The following SLC10A1 variants were observed in gnomAD, a reference collection of about 807,000 sequenced individuals.
The protein encoded by SLC10A1 is solute carrier family 10 member 1.
A neutral mutation model predicts 20.5 loss-of-function variants in SLC10A1; 36 were observed. The observed-to-expected ratio is 1.75, with a 90% CI of 1.34 to 2.32. The LOEUF is 2.32. Ranked by LOEUF, SLC10A1 falls within the 30% of genes most tolerant of loss-of-function variation. The probability of loss-of-function intolerance (pLI) is 0.00; values close to 1 mark genes in which losing one functional copy is unlikely to be tolerated. For synonymous variants in SLC10A1, 188 were observed against 163.6 expected (o/e 1.15, Z -1.14); for missense variants, 545 against 439.1 (o/e 1.24, Z -2.16).
intron 1 of SLC10A1, among the ~76,000 whole-genome samples, chr14:69,793,400 AG>A (rs1882320460): frequency 6.6e-6 from 1 of 152,030 alleles, no homozygotes; most frequent in African/African-American, 2.4e-5. Context: ...GTTGCCTTTC[AG>A]GGGGAAAGGG....
chr14:69,792,492 C>T (rs1255550314), intron 1 of SLC10A1, among the ~76,000 whole-genome samples: 1 of 152,132 alleles, frequency 6.6e-6, no homozygotes, highest in Admixed American at 6.5e-5. Context: ...AAAACTACTG[C>T]GATCTGCTTC....
At chr14:69,780,733 T>C (rs1883572252) in intron 2 of SLC10A1, among the ~76,000 whole-genome samples, 1 of 152,244 alleles carries the variant, frequency 6.6e-6, no homozygotes, top group South Asian at 2.1e-4. Context: ...CACACATCTC[T>C]TGAATAACCA....
intron 1 of SLC10A1, among the ~76,000 whole-genome samples, chr14:69,789,454 C>G (rs1883793782): frequency 1.3e-5 from 2 of 152,172 alleles, no homozygotes; most frequent in Non-Finnish European, 2.9e-5. Flanking sequence ...AGTATAGATA[C>G]AAAAGGTCAC....
intron 1 of SLC10A1, among the ~76,000 whole-genome samples, chr14:69,789,143 G>A (rs959992599): frequency 6.6e-6 from 1 of 152,184 alleles, no homozygotes; most frequent in African/African-American, 2.4e-5. Context: ...TTGGAAAATA[G>A]TTTGGCAGTT....
chr14:69,779,402 A>T (rs769240527), intron 2 of SLC10A1, 42 bp from the exon 3 acceptor site: 3 of 1,547,308 alleles, frequency 1.9e-6, no homozygotes, highest in East Asian at 2.3e-5. Flanking sequence ...AGAGTTGGGG[A>T]TAGAGAGGAA....
At chr14:69,788,167 A>G (rs1883766223) in intron 1 of SLC10A1, among the ~76,000 whole-genome samples, 1 of 152,144 alleles carries the variant, frequency 6.6e-6, no homozygotes. Flanking sequence ...GGAAGGGACC[A>G]GAATTGAGGT....
chr14:69,779,890 T>G (rs1215224514), intron 2 of SLC10A1, among the ~76,000 whole-genome samples: 1 of 152,222 alleles, frequency 6.6e-6, no homozygotes, highest in Non-Finnish European at 1.5e-5. Context: ...AATACTGTCA[T>G]TGTTCCACAT....
At chr14:69,793,534 T>C (rs1362963509) in intron 1 of SLC10A1, among the ~76,000 whole-genome samples, 1 of 152,148 alleles carries the variant, frequency 6.6e-6, no homozygotes, top group Non-Finnish European at 1.5e-5. Context: ...AATGCACAGA[T>C]TGGAGGCAGA....
At chr14:69,780,582 C>T (rs1020220167) in intron 2 of SLC10A1, among the ~76,000 whole-genome samples, 10 of 152,168 alleles carry the variant, frequency 6.6e-5, no homozygotes, top group East Asian at 1.9e-4. Context: ...AATGTCCTAA[C>T]GACATTTTAA....
chr14:69,791,867 A>G (rs1883850063), intron 1 of SLC10A1, among the ~76,000 whole-genome samples: 1 of 152,200 alleles, frequency 6.6e-6, no homozygotes, highest in Non-Finnish European at 1.5e-5. Context: ...TTCTACATTG[A>G]TTGGAGCTCT....
intron 1 of SLC10A1, among the ~76,000 whole-genome samples, chr14:69,788,690 G>A (rs1294330904): frequency 1.3e-5 from 2 of 151,934 alleles, no homozygotes; most frequent in Non-Finnish European, 2.9e-5. Flanking sequence ...GACTACAGGC[G>A]CCTGCCACCA....
chr14:69,790,639 A>C (rs1883814157), intron 1 of SLC10A1, among the ~76,000 whole-genome samples: 1 of 152,116 alleles, frequency 6.6e-6, no homozygotes, highest in Non-Finnish European at 1.5e-5. Flanking sequence ...AAAATTCCTT[A>C]ACTTGAAAGG....
At chr14:69,785,090 G>C (rs901004532) in intron 2 of SLC10A1, among the ~76,000 whole-genome samples, 1 of 152,132 alleles carries the variant, frequency 6.6e-6, no homozygotes, top group Non-Finnish European at 1.5e-5. Flanking sequence ...GGTACAGGAG[G>C]TCAGGAGGTC....
chr14:69,786,256 G>A lies in SLC10A1; in HGVS notation c.408C>T (p.Leu136=). The A allele has an allele frequency of 6.2e-7, 1 of 1,614,090 alleles. No individual in the cohort carries two copies. Among genetic ancestry groups the A allele is most frequent in the Non-Finnish European group, 8.5e-7 (1 of 1,180,004 alleles). The change falls in exon 2 of 5, where the codon CTC becomes CTT. Residue 136 remains leucine, a synonymous_variant. Coordinates refer to ENST00000216540, the MANE Select transcript of SLC10A1 (RefSeq NM_003049.4). ...TCCCCCTGGAGTAGATGTACAGGAG[G>A]AGAGGCATCATGCCAAGGGCACAGA... ...STFCALGMMP[L]LLYIYSRGIY...
Position 69,797,239 on chromosome 14 carries a change from A to T in SLC10A1, c.-84T>A. On this transcript the variant is annotated 5_prime_UTR_variant, in exon 1 of 5. Coordinates refer to ENST00000216540, the MANE Select transcript of SLC10A1 (RefSeq NM_003049.4). ...CAGTTCTTGCTGGATGCCTTCTTTA[A>T]TCACCTCTCAGGACAGAGAGTTTCT... 2 of 1,143,284 alleles carry T rather than the reference A, an allele frequency of 1.7e-6. No homozygotes were observed. Among genetic ancestry groups the T allele is most frequent in the Non-Finnish European group, 2.5e-6 (2 of 796,490 alleles). 70.8% of individuals were successfully genotyped at this position (1,143,284 alleles called of 1,614,324 possible). A position where few individuals can be genotyped will look rare whatever the true frequency, so the allele number is the denominator to read the frequency against.
intron 4 of SLC10A1, 108 bp from the exon 5 acceptor site, chr14:69,776,496 G>A (rs1883450784): frequency 3.7e-6 from 3 of 800,934 alleles, no homozygotes; most frequent in Non-Finnish European, 6.1e-6. Flanking sequence ...CCTAGAGTGT[G>A]CTAAGTATAT....
intron 1 of SLC10A1, among the ~76,000 whole-genome samples, chr14:69,794,674 G>A (rs1478725017): frequency 3.3e-5 from 5 of 152,216 alleles, no homozygotes; most frequent in East Asian, 3.8e-4. Context: ...TTCCCATTCC[G>A]ACAGTGGGAT....
intron 2 of SLC10A1, among the ~76,000 whole-genome samples, chr14:69,782,824 AAG>A (rs1883626968): frequency 1.3e-5 from 2 of 151,774 alleles, no homozygotes; most frequent in Non-Finnish European, 2.9e-5. Flanking sequence ...AAAAAAAAAA[AAG>A]GGTCTGAGAT....
At position 69,779,194 on chromosome 14, in the gene SLC10A1, CAGA is replaced by C. The variant is rs767908803; in HGVS notation, c.731_733del (p.Phe244del). The C allele has an allele frequency of 3.1e-6, 5 of 1,606,118 alleles. No homozygotes were observed. The highest frequency in any genetic ancestry group is 4.2e-6 in the Non-Finnish European group (5 of 1,177,216). ...AAAAAATACCTACCGTCCATTGAGG[CAGA>C]AGAGAGCAGAGAGAACATAACCCAG... On this transcript the variant is annotated inframe_deletion, in exon 3 of 5. Transcript: ENST00000216540.
Sources: allele counts gnomAD v4.1 joint callset (sites outside exome capture counted in the v4.1 genomes callset), GRCh38; gene constraint gnomAD v4.1.1; transcripts MANE v1.5; gene names NCBI Gene and HGNC (gene_info 2026-07-23, HGNC 2026-07-21).